The following TXLNB variants were observed in gnomAD, a reference collection of about 807,000 sequenced individuals.
TXLNB encodes the protein taxilin beta, also known as beta-taxilin.
Under a neutral mutation model 57.4 loss-of-function variants are expected in TXLNB, and 37 were observed. The observed-to-expected ratio is 0.64, with a 90% CI of 0.50 to 0.85. TXLNB has a LOEUF of 0.85. Among genes scored for constraint, TXLNB ranks in the 40% least tolerant of loss-of-function variants. The probability of loss-of-function intolerance (pLI) is 0.00; values close to 1 mark genes in which losing one functional copy is unlikely to be tolerated. For missense variants in TXLNB, 848 were observed against 825.6 expected, an observed-to-expected ratio of 1.03 and a Z score of -0.33; for synonymous variants, 302 against 309.6, an observed-to-expected ratio of 0.98 and a Z score of 0.26.
At chr6:139,224,057 C>T in the TXLNB span, among the ~76,000 whole-genome samples, 4 of 146,220 alleles carry the variant, frequency 2.7e-5, no homozygotes, top group Non-Finnish European at 4.5e-5. Context: ...AAATGTCCAA[C>T]AATGATAGAC....
the TXLNB span, among the ~76,000 whole-genome samples, chr6:139,303,643 T>C: frequency 0.086 from 13,111 of 151,694 alleles, 1,122 homozygotes; most frequent in East Asian, 0.29. Flanking sequence ...AATTACTTAA[T>C]ATTTATATAA....
the TXLNB span, among the ~76,000 whole-genome samples, chr6:139,304,103 C>CA: frequency 6.6e-6 from 1 of 152,124 alleles, no homozygotes; most frequent in African/African-American, 2.4e-5. Flanking sequence ...ATCTATTAAA[C>CA]AGCTATGATT....
In TXLNB at chr6:139,276,922, CT is replaced by C; in HGVS notation, c.425-2del. The C allele has an allele frequency of 6.5e-7, 1 of 1,542,750 alleles. No homozygotes were observed. The highest frequency in any genetic ancestry group is 8.6e-7 in the Non-Finnish European group (1 of 1,162,574). ...TGCATTAGCAGGTTGGCTTCTTTGCCTTAAAAAAAAAAGACATGAAAAAAAT... is the reference window on the plus strand; with the variant it reads ...TGCATTAGCAGGTTGGCTTCTTTGCCTAAAAAAAAAAGACATGAAAAAAAT... On this transcript the variant is annotated splice_acceptor_variant, in intron 2 of 9. Coordinates refer to ENST00000358430, the MANE Select transcript of TXLNB (RefSeq NM_153235.4). LOFTEE classifies it high-confidence loss of function.
the TXLNB span, among the ~76,000 whole-genome samples, chr6:139,323,727 C>T: frequency 6.6e-6 from 1 of 152,182 alleles, no homozygotes; most frequent in East Asian, 1.9e-4. Context: ...GCTTACTTAC[C>T]AACTTCCGCT....
the TXLNB span, among the ~76,000 whole-genome samples, chr6:139,299,717 G>A: frequency 3.3e-5 from 5 of 152,080 alleles, no homozygotes; most frequent in Non-Finnish European, 7.4e-5. Flanking sequence ...CCCTGGGTTT[G>A]TGGAACATAG....
intron 6 of TXLNB, among the ~76,000 whole-genome samples, chr6:139,259,805 G>C (rs924542014): frequency 2.0e-5 from 3 of 152,204 alleles, no homozygotes; most frequent in African/African-American, 7.2e-5. Flanking sequence ...GTGTGGAATA[G>C]ATGAATGACT....
At chr6:139,166,520 G>A in the TXLNB span, 1 of 1,614,230 alleles carries the variant, frequency 6.2e-7, no homozygotes, top group East Asian at 2.2e-5. Flanking sequence ...GAAGGGCTAC[G>A]ACCTGGCCTT....
chr6:139,165,111 A>G, the TXLNB span, among the ~76,000 whole-genome samples: 64 of 152,318 alleles, frequency 4.2e-4, no homozygotes, highest in African/African-American at 1.4e-3. Context: ...AAAAATCTCT[A>G]TAAGGTAGCT....
the TXLNB span, among the ~76,000 whole-genome samples, chr6:139,219,380 G>C: frequency 6.6e-6 from 1 of 152,194 alleles, no homozygotes; most frequent in Admixed American, 6.5e-5. Flanking sequence ...GGTTCAGTAG[G>C]TGGCACTGCT....
intron 9 of TXLNB, among the ~76,000 whole-genome samples, 180 bp from the exon 10 acceptor site, chr6:139,243,494 T>A (rs1481541421): frequency 7.0e-6 from 1 of 142,076 alleles, no homozygotes; most frequent in Non-Finnish European, 1.6e-5. Context: ...TCACTTTCCT[T>A]TTTTTTTTTT....
the TXLNB span, among the ~76,000 whole-genome samples, chr6:139,309,117 G>C: frequency 1.3e-5 from 2 of 152,218 alleles, no homozygotes; most frequent in Non-Finnish European, 2.9e-5. Flanking sequence ...GCAGGGAGCA[G>C]AGGTTATTTC....
chr6:139,206,443 C>A, the TXLNB span, among the ~76,000 whole-genome samples: 4 of 151,896 alleles, frequency 2.6e-5, no homozygotes, highest in Admixed American at 6.5e-5. Context: ...CCAAGGTGGG[C>A]GGATCACGAA....
the TXLNB span, among the ~76,000 whole-genome samples, chr6:139,206,792 G>A: frequency 6.6e-6 from 1 of 152,070 alleles, no homozygotes; most frequent in Non-Finnish European, 1.5e-5. Context: ...TTAAGGTAAA[G>A]GGGTGGAAAA....
At chr6:139,233,679 C>T in the TXLNB span, among the ~76,000 whole-genome samples, 1 of 152,112 alleles carries the variant, frequency 6.6e-6, no homozygotes, top group African/African-American at 2.4e-5. Context: ...CCTGAGGCCT[C>T]CCCAGCCATG....
the TXLNB span, among the ~76,000 whole-genome samples, chr6:139,214,955 C>T: frequency 1.3e-5 from 2 of 152,192 alleles, no homozygotes; most frequent in African/African-American, 2.4e-5. Flanking sequence ...GAAATACAAA[C>T]CACTGCTCAA....
the TXLNB span, chr6:139,166,891 C>T: frequency 1.2e-6 from 2 of 1,614,038 alleles, no homozygotes; most frequent in Non-Finnish European, 8.5e-7. Context: ...CCTCCAGATA[C>T]CTCGGGGAGT....
the TXLNB span, among the ~76,000 whole-genome samples, chr6:139,302,541 A>G: frequency 6.6e-6 from 1 of 150,460 alleles, no homozygotes; most frequent in Non-Finnish European, 1.5e-5. Context: ...AGGCGGGTGG[A>G]TTGCCTGAGG....
At chr6:139,164,369 T>A in the TXLNB span, among the ~76,000 whole-genome samples, 1 of 149,518 alleles carries the variant, frequency 6.7e-6, no homozygotes, top group Admixed American at 6.7e-5. Context: ...TTATGAACAT[T>A]GGGGGTATCA....
At chr6:139,212,576 A>G in the TXLNB span, among the ~76,000 whole-genome samples, 1 of 152,190 alleles carries the variant, frequency 6.6e-6, no homozygotes, top group Non-Finnish European at 1.5e-5. Context: ...TCAACTAACG[A>G]GCAAAATAAC....
Sources: gnomAD v4.1 joint callset for allele counts (sites outside exome capture counted in the v4.1 genomes callset) on GRCh38, gnomAD v4.1.1 for gene constraint, MANE v1.5 for transcripts, NCBI Gene and HGNC (gene_info 2026-07-23, HGNC 2026-07-21) for gene names.